The following NEB variants were observed in gnomAD, a reference collection of about 807,000 sequenced individuals.
NEB encodes the protein nemaline myopathy type 2.
Under a neutral mutation model 952.2 loss-of-function variants are expected in NEB, and 512 were observed. That is an observed-to-expected ratio of 0.54 (90% CI 0.50 to 0.58). NEB has a LOEUF of 0.58. Among genes scored for constraint, NEB ranks in the 20% least tolerant of loss-of-function variants. The pLI is 0.00. For missense variants in NEB, 8,428 were observed against 9,231.1 expected, an observed-to-expected ratio of 0.91 and a Z score of 3.56; for synonymous variants, 2,900 against 3,149.8, an observed-to-expected ratio of 0.92 and a Z score of 2.66.
intron 130 of NEB, 105 bp downstream of exon 130, chr2:151,549,531 T>C (rs571400578): frequency 5.1e-6 from 4 of 784,850 alleles, no homozygotes; most frequent in South Asian, 1.5e-5. Context: ...TCTATCAGGT[T>C]GAACCTTGAG....
intron 130 of NEB, among the ~76,000 whole-genome samples, chr2:151,548,871 G>A (rs1175687472): frequency 6.6e-6 from 1 of 152,120 alleles, no homozygotes; most frequent in Non-Finnish European, 1.5e-5. Flanking sequence ...TGAGCCACAG[G>A]TTATTGGGTC....
rs368217121 is a variant in NEB at position 151,640,550 on chromosome 2, C to T, written c.8490G>A (p.Arg2830=). The change falls in exon 61 of 182, where the codon AGG becomes AGA. Residue 2830 remains arginine, a synonymous_variant. Coordinates refer to ENST00000397345, the MANE Select transcript of NEB (RefSeq NM_001164508.2). ...ACTTCTCAAAGTCCTTCTTGTACTCCCTGTCACTCTGGATCTTGGCCACGT... is the reference window on the plus strand; with the variant it reads ...ACTTCTCAAAGTCCTTCTTGTACTCTCTGTCACTCTGGATCTTGGCCACGT... ...SMHVAKIQSD[R]EYKKDFEKWK... 207 of 1,613,762 alleles carry T rather than the reference C, an allele frequency of 1.3e-4. No individual in the cohort carries two copies. The highest frequency in any genetic ancestry group is 5.0e-5 in the Admixed American group (3 of 59,980).
Position 151,680,007 on chromosome 2 carries a change from T to C in NEB, c.3058A>G (p.Lys1020Glu). Residue 1020 changes from lysine to glutamate, a missense_variant, in exon 31 of 182, where the codon AAA (lysine) becomes GAA (glutamate). Physicochemically the swap from Lys to Glu is moderately conservative, Grantham distance 56. This residue lies in a region of NEB where 2,851 missense variants were observed against 2,791.5 expected (regional missense o/e 1.02). Transcript: ENST00000397345. The stretch of plus-strand genomic sequence containing the variant: ...TATTTGTGAATAATTTCCTCTCCTT[T>C]GGCTTTGTAAGCGATCTGAAAGAGA... ...AQRSDIAYKA[K>E]GEEIIHKYNL... is the part of the protein sequence containing the mutation. The C allele has an allele frequency of 6.2e-7, 1 of 1,611,266 alleles. No homozygotes were observed. Among genetic ancestry groups the C allele is most frequent in the Non-Finnish European group, 8.5e-7 (1 of 1,177,390 alleles).
Position 151,618,425 on chromosome 2 carries a change from A to G in NEB, c.10926T>C (p.Ile3642=), listed in dbSNP as rs1259973515. The change falls in exon 74 of 182, where the codon ATT becomes ATC. Residue 3642 remains isoleucine, a synonymous_variant. Transcript: ENST00000397345. ...EWMKGIGWVP[I]DSLEVVRAKR... is the part of the protein sequence containing the mutation. ...TGGCCCTAACAACTTCCAAGGAATCAATCGGAACCCAGCCAATGCCTTTCA... is the reference window on the plus strand; with the variant it reads ...TGGCCCTAACAACTTCCAAGGAATCGATCGGAACCCAGCCAATGCCTTTCA... 1 of 1,613,964 alleles carries G rather than the reference A, an allele frequency of 6.2e-7. No homozygotes were observed. The highest frequency in any genetic ancestry group is 8.5e-7 in the Non-Finnish European group (1 of 1,179,870).
chr2:151,708,494 G>C (rs1034964377), intron 12 of NEB, among the ~76,000 whole-genome samples: 1 of 151,982 alleles, frequency 6.6e-6, no homozygotes, highest in Non-Finnish European at 1.5e-5. Flanking sequence ...TCCTGATTTT[G>C]CTTCTCCCTC....
Position 151,496,371 on chromosome 2 carries a change from G to A in NEB, c.24394-3C>T. Reference sequence around the variant, plus strand: ...CCCATGTTTTCTTTGTATAACACCTGTGCGATGAGAAAGCATCCAGAAAAA... The same window carrying A: ...CCCATGTTTTCTTTGTATAACACCTATGCGATGAGAAAGCATCCAGAAAAA... On this transcript the variant is annotated splice_polypyrimidine_tract_variant and splice_region_variant and intron_variant, in intron 172 of 181. Transcript: ENST00000397345. The A allele has an allele frequency of 2.5e-6, 4 of 1,603,998 alleles. No homozygotes were observed. Among genetic ancestry groups the A allele is most frequent in the South Asian group, 1.1e-5 (1 of 89,004 alleles).
At chr2:151,558,513 T>G (rs1461635752) in intron 124 of NEB, among the ~76,000 whole-genome samples, 1 of 150,680 alleles carries the variant, frequency 6.6e-6, no homozygotes, top group Admixed American at 6.6e-5. Context: ...TGGAAAAAAT[T>G]AAAGCTGGAG....
At chr2:151,564,432 C>T (rs1013496632) in intron 117 of NEB, among the ~76,000 whole-genome samples, 6 of 152,272 alleles carry the variant, frequency 3.9e-5, no homozygotes, top group African/African-American at 9.6e-5. Context: ...GGATTATAGG[C>T]GTGAGCCACC....
At chr2:151,675,432 C>G (rs1277480831) in intron 34 of NEB, 41 bp from the exon 35 acceptor site, 2 of 1,328,788 alleles carry the variant, frequency 1.5e-6, no homozygotes, top group Non-Finnish European at 2.1e-6. Flanking sequence ...AAAGGAAAAT[C>G]TATTAATTGT....
chr2:151,566,099 G>A (rs183398468), intron 114 of NEB, among the ~76,000 whole-genome samples: 1 of 152,308 alleles, frequency 6.6e-6, no homozygotes, highest in East Asian at 1.9e-4. Context: ...GTGCTCAAAT[G>A]CTATTGGAGT....
chr2:151,709,838 G>A, intron 11 of NEB, 75 bp from the exon 12 acceptor site: 1 of 1,202,034 alleles, frequency 8.3e-7, no homozygotes, highest in Admixed American at 2.1e-5. Flanking sequence ...AAGACACAGG[G>A]ATTTGGAAAA....
rs1448880585 is a variant in NEB at position 151,565,584 on chromosome 2, G to A, written c.18283C>T (p.Leu6095Phe). The A allele has an allele frequency of 1.3e-6, 2 of 1,597,472 alleles. No individual in the cohort carries two copies. Among genetic ancestry groups the A allele is most frequent in the Non-Finnish European group, 1.7e-6 (2 of 1,166,870 alleles). ...CTTCTAAAGTTAGGATAGTTTTCAAGGGCATTTTTCTTATATTTGATCTGT... is the reference window on the plus strand; with the variant it reads ...CTTCTAAAGTTAGGATAGTTTTCAAAGGCATTTTTCTTATATTTGATCTGT... Reference protein sequence around the residue: ...MSQIKYKKNALENYPNFRSVV... With the variant: ...MSQIKYKKNAFENYPNFRSVV... Residue 6095 changes from leucine to phenylalanine, a missense_variant, in exon 116 of 182, where the codon CTT becomes TTT. Physicochemically the swap from Leu to Phe is conservative, Grantham distance 22. Around this residue, in one of 11 missense-constraint regions of NEB, gnomAD observed 3,374 missense variants for 3,651.5 expected, o/e 0.92. Coordinates refer to ENST00000397345, the MANE Select transcript of NEB (RefSeq NM_001164508.2).
Position 151,706,977 on chromosome 2 carries a change from A to G in NEB, c.1056T>C (p.Tyr352=), listed in dbSNP as rs1057523282. The G allele has an allele frequency of 8.8e-6, 14 of 1,585,992 alleles. No individual in the cohort carries two copies. The highest frequency in any genetic ancestry group is 1.8e-5 in the Admixed American group (1 of 56,010). The change falls in exon 13 of 182, where the codon TAT becomes TAC. Residue 352 remains tyrosine (Y), a synonymous_variant. Transcript: ENST00000397345. ...AASKVKYKED[Y]EKNKGKADYN... Reference sequence around the variant, plus strand: ...AATCTGCTTTTCCTTTATTCTTTTCATAGTCTTCTTTGTATTTTACCTGTA... The same window carrying G: ...AATCTGCTTTTCCTTTATTCTTTTCGTAGTCTTCTTTGTATTTTACCTGTA...
intron 9 of NEB, among the ~76,000 whole-genome samples, chr2:151,721,199 G>A (rs2150531211): frequency 6.6e-6 from 1 of 152,080 alleles, no homozygotes; most frequent in African/African-American, 2.4e-5. Context: ...AGTTTTTCCT[G>A]TATTTCCTAA....
rs1322685312 is a variant in NEB, at chr2:151,669,091, T to C, written c.4547A>G (p.Tyr1516Cys). The change falls in exon 39 of 182, where the codon TAT becomes TGT. Residue 1516 changes from tyrosine (Y) to cysteine (C), a missense_variant. Tyr to Cys is a radical substitution (Grantham distance 194). Coordinates refer to ENST00000397345, the MANE Select transcript of NEB (RefSeq NM_001164508.2). Reference sequence around the variant, plus strand: ...CTGAGGCAATTCAGGGTCAATAGTATACTTGTGCTTCAGTTTCTCTCCCTC... The same window carrying C: ...CTGAGGCAATTCAGGGTCAATAGTACACTTGTGCTTCAGTTTCTCTCCCTC... Reference protein sequence around the residue: ...KVEGEKLKHKYTIDPELPQFI... With the variant: ...KVEGEKLKHKCTIDPELPQFI... The C allele has an allele frequency of 6.3e-7, 1 of 1,592,296 alleles. No homozygotes were observed. The highest frequency in any genetic ancestry group is 8.6e-7 in the Non-Finnish European group (1 of 1,167,980).
chr2:151,547,827 G>A (rs2094897206), intron 131 of NEB, 89 bp from the exon 132 acceptor site: 2 of 824,334 alleles, frequency 2.4e-6, no homozygotes, highest in Non-Finnish European at 3.8e-6. Flanking sequence ...TTTTACATAA[G>A]GAAGAGGGGA....
intron 114 of NEB, among the ~76,000 whole-genome samples, chr2:151,566,928 AAGC>A (rs1345260659): frequency 5.9e-5 from 9 of 152,310 alleles, no homozygotes; most frequent in African/African-American, 1.4e-4. Flanking sequence ...AATGGTACAA[AAGC>A]AGCAGATTTT....
intron 3 of NEB, among the ~76,000 whole-genome samples, chr2:151,731,191 C>T (rs999771715): frequency 6.6e-6 from 1 of 152,180 alleles, no homozygotes; most frequent in African/African-American, 2.4e-5. Flanking sequence ...CTTTGCTGGG[C>T]TCTCACCATT....
intron 142 of NEB, chr2:151,534,370 A>G: frequency 6.6e-7 from 1 of 1,514,618 alleles, no homozygotes; most frequent in African/African-American, 1.4e-5. Context: ...TCAAGGCTAC[A>G]CAAAAATGTC....
Sources: allele counts gnomAD v4.1 joint callset (sites outside exome capture counted in the v4.1 genomes callset), GRCh38; gene constraint gnomAD v4.1.1; regional missense constraint gnomAD v4.1.1; transcripts MANE v1.5; gene names NCBI Gene and HGNC (gene_info 2026-07-23, HGNC 2026-07-21).